NEDD4L: variants seen among roughly 807,000 people sequenced by gnomAD.
The protein encoded by NEDD4L is E3 ubiquitin-protein ligase NEDD4-like.
NEDD4L carries 54 observed loss-of-function variants against 148.9 expected under a neutral mutation model. The ratio of observed to expected loss-of-function variants is 0.36; its 90% CI spans 0.29 to 0.45. The LOEUF (loss-of-function observed/expected upper bound fraction) is 0.45. Among genes scored for constraint, NEDD4L ranks in the 20% least tolerant of loss-of-function variants. The pLI, the probability that NEDD4L is intolerant of heterozygous loss-of-function variation, is 1.00. For synonymous variants in NEDD4L, 433 were observed against 440.7 expected, an observed-to-expected ratio of 0.98 and a Z score of 0.22; for missense variants, 856 against 1,233.8, an observed-to-expected ratio of 0.69 and a Z score of 4.59.
chr18:58,290,061 G>A (rs988332348), intron 5 of NEDD4L, among the ~76,000 whole-genome samples: 20 of 152,136 alleles, frequency 1.3e-4, no homozygotes, highest in African/African-American at 4.8e-4. Flanking sequence ...AACTACTGAC[G>A]ATTCAATGAT....
intron 1 of NEDD4L, among the ~76,000 whole-genome samples, chr18:58,068,423 T>C (rs1229450357): frequency 6.6e-6 from 1 of 152,032 alleles, no homozygotes; most frequent in South Asian, 2.1e-4. Context: ...ATGGTCTTGA[T>C]CTCCTGACCT....
intron 1 of NEDD4L, among the ~76,000 whole-genome samples, chr18:58,072,893 C>T (rs1328399785): frequency 6.9e-6 from 1 of 145,198 alleles, no homozygotes; most frequent in Non-Finnish European, 1.5e-5. Flanking sequence ...CACACACACA[C>T]ACACACACAC....
chr18:58,390,982 C>CTT (rs796798591), intron 29 of NEDD4L, among the ~76,000 whole-genome samples: 69 of 144,880 alleles, frequency 4.8e-4, no homozygotes, highest in African/African-American at 1.7e-3. Flanking sequence ...TAAGGCTGCT[C>CTT]TTTTTTTTTT....
intron 2 of NEDD4L, among the ~76,000 whole-genome samples, chr18:58,193,593 C>T (rs955021051): frequency 6.6e-6 from 1 of 152,218 alleles, no homozygotes; most frequent in African/African-American, 2.4e-5. Flanking sequence ...TCTTTTTCCA[C>T]GGCCTTCACG....
intron 5 of NEDD4L, among the ~76,000 whole-genome samples, chr18:58,294,758 C>A (rs2055313906): frequency 6.6e-6 from 1 of 151,860 alleles, no homozygotes; most frequent in African/African-American, 2.4e-5. Context: ...GGGCCTCAGG[C>A]AATCCTCCTG....
At chr18:58,179,575 C>T (rs1372906827) in intron 2 of NEDD4L, among the ~76,000 whole-genome samples, 4 of 152,106 alleles carry the variant, frequency 2.6e-5, no homozygotes, top group Non-Finnish European at 4.4e-5. Flanking sequence ...ACAGCTGCTC[C>T]CCATCATTCG....
At chr18:58,324,201 C>G (rs1338777009) in intron 8 of NEDD4L, among the ~76,000 whole-genome samples, 3 of 152,170 alleles carry the variant, frequency 2.0e-5, no homozygotes, top group Non-Finnish European at 4.4e-5. Context: ...CATCTCAAAT[C>G]CAAGGAATTT....
chr18:58,267,282 A>C (rs967924707), intron 5 of NEDD4L, among the ~76,000 whole-genome samples: 1 of 152,082 alleles, frequency 6.6e-6, no homozygotes, highest in Admixed American at 6.5e-5. Context: ...ATCTTAATTT[A>C]CAGTTTACAG....
At chr18:58,202,057 C>T (rs1041383749) in intron 2 of NEDD4L, among the ~76,000 whole-genome samples, 1 of 152,218 alleles carries the variant, frequency 6.6e-6, no homozygotes, top group Non-Finnish European at 1.5e-5. Flanking sequence ...AATTCTTCCT[C>T]TCTTGCCTTG....
At chr18:58,378,799 A>G (rs982668147) in intron 24 of NEDD4L, among the ~76,000 whole-genome samples, 2 of 152,218 alleles carry the variant, frequency 1.3e-5, no homozygotes, top group Non-Finnish European at 2.9e-5. Context: ...AGCATATTCC[A>G]TATGAGCCAA....
chr18:58,129,659 C>A (rs2031728413), intron 1 of NEDD4L, among the ~76,000 whole-genome samples: 1 of 152,222 alleles, frequency 6.6e-6, no homozygotes, highest in Non-Finnish European at 1.5e-5. Flanking sequence ...AGATAGGGAC[C>A]TTGTGATCTC....
intron 2 of NEDD4L, among the ~76,000 whole-genome samples, chr18:58,198,067 GTC>G (rs1256938248): frequency 6.6e-6 from 1 of 152,158 alleles, no homozygotes; most frequent in Non-Finnish European, 1.5e-5. Flanking sequence ...GGAAAGAGCT[GTC>G]TGGATGGCCT....
intron 2 of NEDD4L, chr18:58,227,827 C>T: frequency 1.0e-6 from 1 of 964,172 alleles, no homozygotes; most frequent in Non-Finnish European, 1.2e-6. Context: ...CCTTCTCTTT[C>T]AGCTTCTGCT....
intron 1 of NEDD4L, among the ~76,000 whole-genome samples, chr18:58,158,506 T>A (rs143092937): frequency 6.6e-6 from 1 of 152,310 alleles, no homozygotes; most frequent in African/African-American, 2.4e-5. Context: ...TAGAAGTCTA[T>A]CCCTTTATTT....
At chr18:58,158,482 T>G (rs9950141) in intron 1 of NEDD4L, among the ~76,000 whole-genome samples, 68,333 of 152,092 alleles carry the variant, frequency 0.45, 15,995 homozygotes, top group Admixed American at 0.54. Flanking sequence ...AGCATTTAAA[T>G]TAGGGTTCTG....
chr18:58,268,096 A>G (rs1379016599), intron 5 of NEDD4L, among the ~76,000 whole-genome samples: 4 of 152,080 alleles, frequency 2.6e-5, no homozygotes, highest in African/African-American at 9.7e-5. Context: ...ACGTGCATGC[A>G]GATTGATTAC....
In NEDD4L at chr18:58,343,063, G is replaced by A. The variant is rs1365042367; in HGVS notation, c.1535G>A (p.Arg512Gln). 8 of 1,611,358 alleles carry A rather than the reference G, an allele frequency of 5.0e-6. No homozygotes were observed. The highest frequency in any genetic ancestry group is 3.3e-5 in the Admixed American group (2 of 59,762). ...GWEMRIAPNGRPFFIDHNTKT... is the reference protein window; with the variant it reads ...GWEMRIAPNGQPFFIDHNTKT... Reference sequence around the variant, plus strand: ...GAAATGAGGATAGCGCCAAACGGCCGGCCCTTCTTCATTGATCATAACACA... The same window carrying A: ...GAAATGAGGATAGCGCCAAACGGCCAGCCCTTCTTCATTGATCATAACACA... The change falls in exon 16 of 31, where the codon CGG becomes CAG. Residue 512 changes from arginine (R) to glutamine (Q), a missense_variant. This residue lies in a region of NEDD4L where 367 missense variants were observed against 422.7 expected (regional missense o/e 0.87). Transcript: ENST00000400345.
Position 58,390,762 on chromosome 18 carries a change from A to T in NEDD4L, c.2752+20A>T, listed in dbSNP as rs1429504290. 1 of 1,529,798 alleles carries T rather than the reference A, an allele frequency of 6.5e-7. No individual in the cohort carries two copies. The highest frequency in any genetic ancestry group is 1.2e-5 in the South Asian group (1 of 84,690). The allele number at this position is 1,529,798 out of a possible 1,614,324, so 94.8% of individuals were successfully genotyped here. A position where few individuals can be genotyped will look rare whatever the true frequency, so the allele number is the denominator to read the frequency against. On this transcript the variant is annotated intron_variant, in intron 29 of 30. Transcript: ENST00000400345. ...TTTATGGTGAGCAGGATACCATTGG[A>T]TTCAGTTGTCCTCCTGGGAATTTCC... is the stretch of plus-strand genomic sequence containing the variant.
Position 58,389,200 on chromosome 18 carries a change from C to T in NEDD4L, c.2655+8C>T, listed in dbSNP as rs1249235775. On this transcript the variant is annotated splice_region_variant and intron_variant, in intron 28 of 30. Coordinates refer to ENST00000400345, the MANE Select transcript of NEDD4L (RefSeq NM_001144967.3). ...ATTCAGTGGTTCTGGAAGGTAACTC[C>T]GGGGCCCAGCCCCAGCCGGTGTCCT... 3.7e-6 allele frequency: 6 copies of T among 1,602,566 alleles called. No individual in the cohort carries two copies. The highest frequency in any genetic ancestry group is 4.5e-5 in the East Asian group (2 of 44,722).
Sources: gnomAD v4.1 joint callset for allele counts (sites outside exome capture counted in the v4.1 genomes callset) on GRCh38, gnomAD v4.1.1 for gene constraint, gnomAD v4.1.1 regional missense constraint, MANE v1.5 for transcripts, NCBI Gene and HGNC (gene_info 2026-07-23, HGNC 2026-07-21) for gene names.